BOLA3: variants seen among roughly 807,000 people sequenced by gnomAD.
BOLA3 encodes bolA-like protein 3.
BOLA3 carries 8 observed loss-of-function variants against 14.5 expected under a neutral mutation model. That is an observed-to-expected ratio of 0.55 (90% CI 0.32 to 0.99). BOLA3 has a LOEUF of 0.99. Ranked by LOEUF, BOLA3 falls within the 50% of genes least tolerant of loss-of-function variation. The pLI is 0.04. For missense variants in BOLA3, 115 were observed against 138.2 expected (o/e 0.83, Z 0.84); for synonymous variants, 42 against 45.7 (o/e 0.92, Z 0.33).
In BOLA3 at chr2:74,135,584, A is replaced by C; in HGVS notation, c.*9T>G. On this transcript the variant is annotated 3_prime_UTR_variant, in exon 4 of 4. Transcript: ENST00000327428. ...CTTAAGCAGCAGCATCTATGCAGCC[A>C]GGGCGTGGTCAGCGTTTGGGGACAG... 1 of 1,614,074 alleles carries C rather than the reference A, an allele frequency of 6.2e-7. No individual in the cohort carries two copies. Among genetic ancestry groups the C allele is most frequent in the Non-Finnish European group, 8.5e-7 (1 of 1,179,948 alleles).
intron 3 of BOLA3, among the ~76,000 whole-genome samples, chr2:74,139,070 C>T (rs1352849474): frequency 6.6e-6 from 1 of 152,192 alleles, no homozygotes; most frequent in Non-Finnish European, 1.5e-5. Context: ...GGCTGACGCA[C>T]TGGGCCCTGG....
chr2:74,137,335 A>T (rs904734815), intron 3 of BOLA3, among the ~76,000 whole-genome samples: 23 of 152,250 alleles, frequency 1.5e-4, no homozygotes, highest in African/African-American at 5.1e-4. Flanking sequence ...TTTCCCACCA[A>T]GGAGAGAAAG....
chr2:74,139,910 C>T (rs1427091688), intron 3 of BOLA3, among the ~76,000 whole-genome samples: 3 of 152,104 alleles, frequency 2.0e-5, no homozygotes, highest in Admixed American at 6.5e-5. Context: ...TTAGGGAGGC[C>T]GAGGCAGGAG....
At position 74,135,525 on chromosome 2, in the gene BOLA3, G is replaced by A; in HGVS notation, c.*68C>T. 6.2e-7 allele frequency: 1 copy of A among 1,604,954 alleles called. No individual in the cohort carries two copies. Among genetic ancestry groups the A allele is most frequent in the Non-Finnish European group, 8.5e-7 (1 of 1,172,670 alleles). ...ATATAAATTTTTTGGTGACTGCTTA[G>A]GGAAGAATGATGTCAGTGAAGTTCA... On this transcript the variant is annotated 3_prime_UTR_variant, in exon 4 of 4. Transcript: ENST00000327428.
chr2:74,145,432 G>T, intron 1 of BOLA3, 129 bp from the exon 2 acceptor site: 2 of 718,814 alleles, frequency 2.8e-6, no homozygotes, highest in East Asian at 2.6e-5. Context: ...GCACAGCCAT[G>T]GGTTATGTCA....
At chr2:74,136,792 A>C (rs992454640) in intron 3 of BOLA3, among the ~76,000 whole-genome samples, 1 of 152,222 alleles carries the variant, frequency 6.6e-6, no homozygotes, top group African/African-American at 2.4e-5. Flanking sequence ...CTTTAAAATC[A>C]TACCAATTAG....
intron 3 of BOLA3, among the ~76,000 whole-genome samples, chr2:74,141,395 G>A (rs947175364): frequency 2.6e-5 from 4 of 152,076 alleles, no homozygotes; most frequent in South Asian, 4.2e-4. Context: ...GTGGGGGAAC[G>A]GCATTCATTC....
At position 74,142,187 on chromosome 2, in the gene BOLA3, T is replaced by C. The variant is rs1257437851; in HGVS notation, c.258+85A>G. The C allele has an allele frequency of 2.5e-5, 25 of 1,006,036 alleles. No individual in the cohort carries two copies. The East Asian group carries it at 5.5e-4, about 22-fold the overall frequency. The allele number at this position is 1,006,036 out of a possible 1,614,324, so 62.3% of individuals were successfully genotyped here. Reference sequence around the variant, plus strand: ...GTACTGCATTATTCTCTCCTGCAACTGACGGCAAAAACCACCATCCCTGCT... The same window carrying C: ...GTACTGCATTATTCTCTCCTGCAACCGACGGCAAAAACCACCATCCCTGCT... On this transcript the variant is annotated intron_variant, in intron 3 of 3. Transcript: ENST00000327428.
intron 3 of BOLA3, among the ~76,000 whole-genome samples, chr2:74,138,671 G>A (rs551245020): frequency 4.6e-4 from 70 of 152,362 alleles, no homozygotes; most frequent in African/African-American, 1.7e-3. Flanking sequence ...TGGGCAACCA[G>A]GGGAGCCACG....
At chr2:74,136,270 AG>A (rs1692327512) in intron 3 of BOLA3, among the ~76,000 whole-genome samples, 1 of 152,192 alleles carries the variant, frequency 6.6e-6, no homozygotes, top group Non-Finnish European at 1.5e-5. Context: ...GTATCTTTAC[AG>A]GGACTTAAAA....
At chr2:74,137,587 A>T (rs926200488) in intron 3 of BOLA3, among the ~76,000 whole-genome samples, 3 of 135,762 alleles carry the variant, frequency 2.2e-5, no homozygotes, top group African/African-American at 3.2e-5. Flanking sequence ...TTATTTAATT[A>T]AAAAAAAAAA....
At chr2:74,147,608 A>C in intron 1 of BOLA3, 1 of 612,804 alleles carries the variant, frequency 1.6e-6, no homozygotes, top group Non-Finnish European at 2.9e-6. Context: ...GAGCTCCCCT[A>C]GAGCGCGCCA....
chr2:74,147,861 C>A lies in BOLA3; in HGVS notation c.14G>T (p.Ser5Ile), dbSNP rs1422922995. Reference sequence around the variant, plus strand: ...GAGGAGAGGCGCTGCCGCGGCCGGGCTCCATGCAGCCATGCCCGGCCGACG... The same window carrying A: ...GAGGAGAGGCGCTGCCGCGGCCGGGATCCATGCAGCCATGCCCGGCCGACG... MAAW[S>I]PAAAAPLLRG... The change falls in exon 1 of 4, where the codon AGC (serine) becomes ATC (isoleucine). Residue 5 changes from serine to isoleucine, a missense_variant. Transcript: ENST00000327428. The A allele has an allele frequency of 5.9e-6, 9 of 1,524,360 alleles. No individual in the cohort carries two copies. The highest frequency in any genetic ancestry group is 1.4e-5 in the African/African-American group (1 of 71,452). The allele number at this position is 1,524,360 out of a possible 1,614,324, so 94.4% of individuals were successfully genotyped here. A position where few individuals can be genotyped will look rare whatever the true frequency, so the allele number is the denominator to read the frequency against.
chr2:74,141,929 CAA>C (rs1260037064), intron 3 of BOLA3, among the ~76,000 whole-genome samples: 3 of 151,780 alleles, frequency 2.0e-5, no homozygotes, highest in African/African-American at 7.3e-5. Flanking sequence ...AAAGAGAGGC[CAA>C]AAAACCCCTC....
intron 3 of BOLA3, among the ~76,000 whole-genome samples, chr2:74,136,068 G>A (rs1259147487): frequency 1.3e-5 from 2 of 151,330 alleles, no homozygotes; most frequent in African/African-American, 2.4e-5. Flanking sequence ...TCCTGCTTCA[G>A]CCTCCCTAGT....
chr2:74,136,107 G>A (rs954263067), intron 3 of BOLA3, among the ~76,000 whole-genome samples: 1 of 152,042 alleles, frequency 6.6e-6, no homozygotes, highest in Non-Finnish European at 1.5e-5. Flanking sequence ...ATGCCACCAT[G>A]CCTGGCTAAT....
intron 3 of BOLA3, among the ~76,000 whole-genome samples, chr2:74,140,311 A>T (rs906591720): frequency 2.0e-5 from 3 of 152,262 alleles, no homozygotes; most frequent in East Asian, 1.9e-4. Context: ...ATATATTTTT[A>T]AAAAGTGCCC....
chr2:74,137,452 G>A (rs979756912), intron 3 of BOLA3, among the ~76,000 whole-genome samples: 1 of 152,084 alleles, frequency 6.6e-6, no homozygotes, highest in Non-Finnish European at 1.5e-5. Flanking sequence ...TTGTTACATG[G>A]GCCAATTAAT....
At chr2:74,139,341 C>G (rs1388849391) in intron 3 of BOLA3, among the ~76,000 whole-genome samples, 17 of 152,098 alleles carry the variant, frequency 1.1e-4, no homozygotes, top group Non-Finnish European at 2.9e-5. Flanking sequence ...GTCAGGACAC[C>G]AGGCCCCCAC....
Sources: allele counts gnomAD v4.1 joint callset (sites outside exome capture counted in the v4.1 genomes callset), GRCh38; gene constraint gnomAD v4.1.1; transcripts MANE v1.5; gene names NCBI Gene and HGNC (gene_info 2026-07-23, HGNC 2026-07-21).